The following JAK2 variants were observed in gnomAD, a reference collection of about 807,000 sequenced individuals.
JAK2 encodes tyrosine-protein kinase JAK2.
A neutral mutation model predicts 139.3 loss-of-function variants in JAK2; 86 were observed. The ratio of observed to expected loss-of-function variants is 0.62; its 90% CI spans 0.52 to 0.74. The LOEUF (loss-of-function observed/expected upper bound fraction) is 0.74. Among genes scored for constraint, JAK2 ranks in the 30% least tolerant of loss-of-function variants. The pLI is 0.00. For synonymous variants in JAK2, 490 were observed against 437.7 expected (o/e 1.12, Z -1.49); for missense variants, 1,421 against 1,360.3 (o/e 1.04, Z -0.70).
At chr9:5,076,690 C>A (rs548746847) in intron 14 of JAK2, among the ~76,000 whole-genome samples, 2 of 151,986 alleles carry the variant, frequency 1.3e-5, no homozygotes, top group African/African-American at 4.8e-5. Flanking sequence ...TATTTTAGTG[C>A]CTCACAAAGT....
chr9:5,073,644 C>A (rs965655748), intron 13 of JAK2, 54 bp from the exon 14 acceptor site: 2 of 1,305,564 alleles, frequency 1.5e-6, no homozygotes, highest in Non-Finnish European at 2.2e-6. Context: ...ATTTTCTGAA[C>A]TATTTATGGA....
At chr9:5,040,023 A>G (rs1299950322) in intron 4 of JAK2, among the ~76,000 whole-genome samples, 1 of 152,232 alleles carries the variant, frequency 6.6e-6, no homozygotes, top group East Asian at 1.9e-4. Flanking sequence ...GAAACAATAC[A>G]AAGTTTGAAG....
chr9:5,028,748 C>A (rs1213855674), intron 3 of JAK2, among the ~76,000 whole-genome samples: 1 of 152,218 alleles, frequency 6.6e-6, no homozygotes, highest in Non-Finnish European at 1.5e-5. Flanking sequence ...TCTTAAACCT[C>A]ATGAACCAGC....
chr9:5,117,395 G>C (rs1210454748), intron 22 of JAK2, among the ~76,000 whole-genome samples: 1 of 152,164 alleles, frequency 6.6e-6, no homozygotes, highest in African/African-American at 2.4e-5. Context: ...CTCTACTTTT[G>C]TTATAGAACA....
intron 22 of JAK2, chr9:5,112,420 C>G (rs569968804): frequency 2.0e-6 from 1 of 488,094 alleles, no homozygotes; most frequent in African/African-American, 2.0e-5. Flanking sequence ...GAGAACACGT[C>G]GGCGGCTGAC....
chr9:5,061,962 G>C (rs539526026), intron 8 of JAK2, among the ~76,000 whole-genome samples: 59 of 152,280 alleles, frequency 3.9e-4, no homozygotes, highest in African/African-American at 1.3e-3. Flanking sequence ...GAGGCCTGAG[G>C]AGAGGGAAAA....
At chr9:5,102,758 G>T (rs1222709734) in intron 22 of JAK2, among the ~76,000 whole-genome samples, 6 of 152,100 alleles carry the variant, frequency 3.9e-5, no homozygotes. Context: ...TAGAGAAAAA[G>T]ACTTTTCAAC....
At chr9:4,985,816 T>C (rs1374295069) in intron 1 of JAK2, 124 bp from the exon 2 acceptor site, 1 of 152,558 alleles carries the variant, frequency 6.6e-6, no homozygotes, top group Non-Finnish European at 1.5e-5. Flanking sequence ...TTGTGTCTTA[T>C]AATTCCCTCG....
intron 14 of JAK2, among the ~76,000 whole-genome samples, chr9:5,075,426 G>C (rs1819244540): frequency 6.6e-6 from 1 of 152,176 alleles, no homozygotes; most frequent in African/African-American, 2.4e-5. Context: ...AAGGGCCAAT[G>C]CCATTGGTGA....
At chr9:5,106,776 A>T (rs914294949) in intron 22 of JAK2, among the ~76,000 whole-genome samples, 6 of 152,160 alleles carry the variant, frequency 3.9e-5, no homozygotes, top group African/African-American at 1.4e-4. Flanking sequence ...GGAAACCATC[A>T]TTCTCAGCAA....
chr9:5,070,235 A>G (rs1201186528), intron 12 of JAK2, among the ~76,000 whole-genome samples, 183 bp downstream of exon 12: 1 of 149,960 alleles, frequency 6.7e-6, no homozygotes, highest in South Asian at 2.1e-4. Context: ...TAATTATCTT[A>G]ATTATCCTAA....
intron 3 of JAK2, among the ~76,000 whole-genome samples, chr9:5,027,701 T>C (rs1306135868): frequency 6.6e-6 from 1 of 152,248 alleles, no homozygotes. Context: ...TAAGTTGATG[T>C]AGTATTATAA....
intron 19 of JAK2, among the ~76,000 whole-genome samples, chr9:5,084,252 A>T (rs920066128): frequency 6.6e-6 from 1 of 152,096 alleles, no homozygotes; most frequent in East Asian, 1.9e-4. Context: ...TTTAATGTGG[A>T]TATTTCCTAT....
intron 5 of JAK2, among the ~76,000 whole-genome samples, chr9:5,046,225 A>G (rs929506881): frequency 3.9e-5 from 6 of 152,086 alleles, no homozygotes; most frequent in African/African-American, 1.4e-4. Context: ...CTTTGCAGAG[A>G]TGTCTACTGA....
intron 22 of JAK2, chr9:5,111,830 C>T (rs1196499825): frequency 4.9e-6 from 2 of 408,836 alleles, no homozygotes; most frequent in Non-Finnish European, 9.6e-6. Flanking sequence ...TCCAGCCACA[C>T]GCCTGTCGGC....
intron 2 of JAK2, among the ~76,000 whole-genome samples, chr9:4,991,916 GA>G (rs1241645649): frequency 6.6e-5 from 10 of 151,934 alleles, no homozygotes; most frequent in African/African-American, 2.2e-4. Flanking sequence ...CCCTCTACTG[GA>G]TTATTTCCAT....
intron 10 of JAK2, among the ~76,000 whole-genome samples, chr9:5,068,821 T>G (rs2130520312): frequency 6.6e-6 from 1 of 152,334 alleles, no homozygotes; most frequent in Non-Finnish European, 1.5e-5. Flanking sequence ...AATCAACTTT[T>G]AAACCACTTT....
Position 5,129,249 on chromosome 9 carries a change from T to C in JAK2, c.*2458T>C, listed in dbSNP as rs1454809603. Among the ~76,000 whole-genome samples the C allele has an allele frequency of 1.3e-5, 2 of 152,096 alleles. No individual in the cohort carries two copies. Among genetic ancestry groups the C allele is most frequent in the African/African-American group, 4.8e-5 (2 of 41,448 alleles). On this transcript the variant is annotated 3_prime_UTR_variant, in exon 25 of 25. Coordinates refer to ENST00000381652, the MANE Select transcript of JAK2 (RefSeq NM_004972.4). Reference sequence around the variant, plus strand: ...TGAGCCTATGTTAATTTCTTTAGCATGCTCCCCCTAAATTGAAATAGTGAT... The same window carrying C: ...TGAGCCTATGTTAATTTCTTTAGCACGCTCCCCCTAAATTGAAATAGTGAT...
intron 19 of JAK2, among the ~76,000 whole-genome samples, chr9:5,083,325 A>T (rs894607059): frequency 7.9e-5 from 12 of 152,210 alleles, no homozygotes; most frequent in African/African-American, 2.9e-4. Flanking sequence ...AGACCAGGGA[A>T]TGCTCAGTTC....
Sources: allele counts gnomAD v4.1 joint callset (sites outside exome capture counted in the v4.1 genomes callset), GRCh38; gene constraint gnomAD v4.1.1; transcripts MANE v1.5; gene names NCBI Gene and HGNC (gene_info 2026-07-23, HGNC 2026-07-21).